The following GPC5 variants were observed in gnomAD, a reference collection of about 807,000 sequenced individuals.
GPC5 encodes the protein glypican-5.
A neutral mutation model predicts 53.9 loss-of-function variants in GPC5; 47 were observed. The ratio of observed to expected loss-of-function variants is 0.87; its 90% CI spans 0.69 to 1.11. The LOEUF is 1.11. Ranked by LOEUF, GPC5 falls within the 50% of genes most tolerant of loss-of-function variation. GPC5 has a pLI of 0.00. For synonymous variants in GPC5, 286 were observed against 263.3 expected (o/e 1.09, Z -0.84); for missense variants, 748 against 713.1 (o/e 1.05, Z -0.56).
At chr13:91,484,230 A>G (rs904552177) in intron 2 of GPC5, among the ~76,000 whole-genome samples, 25 of 152,220 alleles carry the variant, frequency 1.6e-4, no homozygotes, top group African/African-American at 5.8e-4. Context: ...TAAAGAAGGA[A>G]CATCCCTAGG....
chr13:92,191,682 T>A (rs1271455232), intron 7 of GPC5, among the ~76,000 whole-genome samples: 1 of 152,164 alleles, frequency 6.6e-6, no homozygotes, highest in Non-Finnish European at 1.5e-5. Context: ...AATTCAGTAC[T>A]TGTAAGAAGT....
chr13:92,578,486 T>C (rs1883257187), intron 7 of GPC5, among the ~76,000 whole-genome samples: 1 of 152,128 alleles, frequency 6.6e-6, no homozygotes, highest in Non-Finnish European at 1.5e-5. Context: ...GACTGAGAAG[T>C]CGTGTGATAC....
At chr13:91,715,930 T>C (rs1167430583) in intron 3 of GPC5, among the ~76,000 whole-genome samples, 1 of 152,002 alleles carries the variant, frequency 6.6e-6, no homozygotes, top group Non-Finnish European at 1.5e-5. Context: ...CACAGCACCA[T>C]GCTCATCTTG....
At chr13:92,050,289 AT>A (rs1231875026) in intron 6 of GPC5, among the ~76,000 whole-genome samples, 1 of 152,124 alleles carries the variant, frequency 6.6e-6, no homozygotes, top group Non-Finnish European at 1.5e-5. Flanking sequence ...TTGTCTTGGG[AT>A]AAGACATTTT....
At chr13:92,476,528 G>C (rs930417539) in intron 7 of GPC5, among the ~76,000 whole-genome samples, 2 of 151,658 alleles carry the variant, frequency 1.3e-5, no homozygotes, top group South Asian at 4.2e-4. Context: ...ATTTGACCCA[G>C]CCATCCCATT....
chr13:92,511,898 AAG>A (rs370694008), intron 7 of GPC5, among the ~76,000 whole-genome samples: 10 of 152,184 alleles, frequency 6.6e-5, no homozygotes, highest in African/African-American at 2.2e-4. Flanking sequence ...TATATGGTGA[AAG>A]AGAGACGTGG....
intron 7 of GPC5, among the ~76,000 whole-genome samples, chr13:92,387,283 C>G (rs1387218517): frequency 6.6e-6 from 1 of 152,022 alleles, no homozygotes; most frequent in Non-Finnish European, 1.5e-5. Flanking sequence ...GTAATTTCCC[C>G]CAACTGTAGG....
chr13:92,149,563 A>G (rs1198572486), intron 7 of GPC5, among the ~76,000 whole-genome samples: 1 of 152,038 alleles, frequency 6.6e-6, no homozygotes, highest in Non-Finnish European at 1.5e-5. Context: ...TATCCATGTC[A>G]GCGTACTAAG....
At chr13:92,257,259 T>C (rs2042732825) in intron 7 of GPC5, among the ~76,000 whole-genome samples, 1 of 152,110 alleles carries the variant, frequency 6.6e-6, no homozygotes, top group Admixed American at 6.6e-5. Flanking sequence ...AAATGTGATT[T>C]TTTTTCTTCT....
intron 2 of GPC5, among the ~76,000 whole-genome samples, chr13:91,542,167 T>C (rs1404656773): frequency 3.9e-5 from 6 of 152,228 alleles, no homozygotes; most frequent in Admixed American, 2.0e-4. Flanking sequence ...TGAAATTGGG[T>C]TTTATTCTCC....
intron 2 of GPC5, among the ~76,000 whole-genome samples, chr13:91,572,247 A>ATATGTATGTGTATT (rs139539646): frequency 8.0e-6 from 1 of 125,736 alleles, no homozygotes; most frequent in Admixed American, 7.6e-5. Flanking sequence ...ACATGTGTAT[A>ATATGTATGTGTATT]TATATACACA....
At chr13:92,701,362 G>A (rs1231723179) in intron 7 of GPC5, 1 of 151,966 alleles carries the variant, frequency 6.6e-6, no homozygotes, top group Non-Finnish European at 1.5e-5. Flanking sequence ...TCAATGTGTG[G>A]AAATCACCTA....
intron 2 of GPC5, among the ~76,000 whole-genome samples, chr13:91,673,117 G>A (rs890310569): frequency 6.6e-6 from 1 of 152,006 alleles, no homozygotes; most frequent in Admixed American, 6.6e-5. Flanking sequence ...TAGAGGATGG[G>A]CCAATAGGTA....
chr13:92,699,007 C>G (rs1320567167), intron 7 of GPC5, among the ~76,000 whole-genome samples: 1 of 152,074 alleles, frequency 6.6e-6, no homozygotes, highest in Non-Finnish European at 1.5e-5. Flanking sequence ...ATGGTACCAG[C>G]TCGTTTTTGT....
chr13:92,589,342 G>A (rs1478727124), intron 7 of GPC5, among the ~76,000 whole-genome samples: 1 of 152,140 alleles, frequency 6.6e-6, no homozygotes, highest in Non-Finnish European at 1.5e-5. Flanking sequence ...GAAGCATCAT[G>A]CATTTACTCA....
chr13:91,861,770 T>G (rs1025455512), intron 5 of GPC5, among the ~76,000 whole-genome samples: 1 of 102,382 alleles, frequency 9.8e-6, no homozygotes, highest in Non-Finnish European at 2.2e-5. Context: ...TCTTCTCTTA[T>G]TTTTGTTTAA....
At chr13:92,515,088 A>G (rs1018220927) in intron 7 of GPC5, among the ~76,000 whole-genome samples, 4 of 152,226 alleles carry the variant, frequency 2.6e-5, no homozygotes, top group African/African-American at 9.6e-5. Flanking sequence ...AAGAGTAGTC[A>G]AGGTAAAACC....
intron 7 of GPC5, among the ~76,000 whole-genome samples, chr13:92,272,183 T>G (rs1379157901): frequency 2.0e-5 from 3 of 152,222 alleles, no homozygotes; most frequent in Non-Finnish European, 4.4e-5. Context: ...GCAATTTGAC[T>G]AGTTGATCCT....
chr13:91,521,281 A>C (rs1300609468), intron 2 of GPC5, among the ~76,000 whole-genome samples: 1 of 152,160 alleles, frequency 6.6e-6, no homozygotes, highest in Non-Finnish European at 1.5e-5. Context: ...ACACAATGAA[A>C]ATCTTAGTGG....
Sources: allele counts gnomAD v4.1 joint callset (sites outside exome capture counted in the v4.1 genomes callset), GRCh38; gene constraint gnomAD v4.1.1; transcripts MANE v1.5; gene names NCBI Gene and HGNC (gene_info 2026-07-23, HGNC 2026-07-21).